Variants in STRN3 observed in about 807,000 individuals in gnomAD.
The protein encoded by STRN3 is striatin-3.
STRN3 carries 29 observed loss-of-function variants against 95.6 expected under a neutral mutation model. The observed-to-expected ratio is 0.30, with a 90% CI of 0.23 to 0.41. The LOEUF (loss-of-function observed/expected upper bound fraction) is 0.41, where lower values mean the gene tolerates loss of function less well. Among genes scored for constraint, STRN3 ranks in the 10% least tolerant of loss-of-function variants. The probability of loss-of-function intolerance (pLI) is 1.00; values close to 1 mark genes in which losing one functional copy is unlikely to be tolerated. For synonymous variants in STRN3, 331 were observed against 357.6 expected, an observed-to-expected ratio of 0.93 and a Z score of 0.84; for missense variants, 890 against 972.1, an observed-to-expected ratio of 0.92 and a Z score of 1.12.
intron 15 of STRN3, 129 bp downstream of exon 15, chr14:30,905,289 A>T: frequency 1.0e-6 from 1 of 999,504 alleles, no homozygotes. Context: ...GTATAACTGT[A>T]ACATTATGAA....
At chr14:30,987,203 G>C (rs114396484) in intron 1 of STRN3, among the ~76,000 whole-genome samples, 2,811 of 152,190 alleles carry the variant, frequency 0.018, 81 homozygotes, top group African/African-American at 0.063. Flanking sequence ...GCCGGAAAAA[G>C]AAAATATAAA....
chr14:31,022,058 T>C (rs1883531039), intron 1 of STRN3, among the ~76,000 whole-genome samples: 1 of 152,066 alleles, frequency 6.6e-6, no homozygotes, highest in Admixed American at 6.6e-5. Context: ...AGGCTAAAAA[T>C]CCCAGAACAA....
chr14:30,960,429 A>T (rs911119475), intron 1 of STRN3, among the ~76,000 whole-genome samples: 5 of 152,232 alleles, frequency 3.3e-5, no homozygotes, highest in African/African-American at 1.2e-4. Flanking sequence ...TAGGAAAATG[A>T]ACCAAAGAAA....
At chr14:30,918,871 T>C in intron 9 of STRN3, 95 bp downstream of exon 9, 10 of 1,247,192 alleles carry the variant, frequency 8.0e-6, no homozygotes, top group Non-Finnish European at 1.1e-5. Flanking sequence ...AAAATGATCA[T>C]CAGCATTTTA....
Position 30,933,280 on chromosome 14 carries a change from T to TTAAAAAAAAAAAAAAAAAAA in STRN3, c.988+1882_988+1883insTTTTTTTTTTTTTTTTTTTA, listed in dbSNP as rs1555317709. On this transcript the variant is annotated intron_variant, in intron 7 of 17. Transcript: ENST00000357479. ...GGCAATAAAGCGAGACCCTGTTTCA[T>TTAAAAAAAAAAAAAAAAAAA]AAAAAAAAAAAAAAAAAAAAAAAAA... 8.8e-5 allele frequency among the ~76,000 whole-genome samples: 2 copies of TTAAAAAAAAAAAAAAAAAAA among 22,778 alleles called. 1 individual carries two copies. The allele number at this position is 22,778 out of a possible 152,430, so 14.9% of individuals were successfully genotyped here. A position where few individuals can be genotyped will look rare whatever the true frequency, so the allele number is the denominator to read the frequency against.
intron 1 of STRN3, among the ~76,000 whole-genome samples, chr14:30,972,898 A>G (rs1000314203): frequency 1.3e-5 from 2 of 152,202 alleles, no homozygotes; most frequent in African/African-American, 4.8e-5. Flanking sequence ...GCTATATAAT[A>G]TTTATTTCAG....
intron 8 of STRN3, among the ~76,000 whole-genome samples, chr14:30,924,524 T>A (rs1017934064): frequency 3.3e-5 from 5 of 151,980 alleles, no homozygotes. Flanking sequence ...ACTCTTGACC[T>A]CAGGTGATCT....
chr14:31,025,458 G>T, intron 1 of STRN3: 1 of 158,076 alleles, frequency 6.3e-6, no homozygotes, highest in South Asian at 1.2e-4. Flanking sequence ...CGGAAAGGGG[G>T]GTGGTCCGGA....
At chr14:30,899,994 C>A (rs757846458) in intron 16 of STRN3, among the ~76,000 whole-genome samples, 21 of 152,110 alleles carry the variant, frequency 1.4e-4, no homozygotes, top group Non-Finnish European at 1.0e-4. Flanking sequence ...CTTAGCTAAC[C>A]GGAAACAGCA....
At chr14:31,010,000 G>A (rs1311112697) in intron 1 of STRN3, among the ~76,000 whole-genome samples, 2 of 152,116 alleles carry the variant, frequency 1.3e-5, no homozygotes, top group Non-Finnish European at 2.9e-5. Flanking sequence ...CTTCTGAGGA[G>A]GCTGAGGCAG....
In STRN3 at chr14:30,979,432, C is replaced by G. The variant is rs143944747; in HGVS notation, c.283-23190G>C. Among the ~76,000 whole-genome samples the G allele has an allele frequency of 5.0e-4, 76 of 152,154 alleles. No homozygotes were observed. In the East Asian group the frequency reaches 0.012, roughly 24 times the overall value. On this transcript the variant is annotated intron_variant, in intron 1 of 17. Transcript: ENST00000357479. The stretch of plus-strand genomic sequence containing the variant: ...ACTCAACAAATTTTGTTTTTAATTA[C>G]TTGATCTGAAGTGTACTTCAGGCAA...
At chr14:31,002,188 AC>A (rs58097052) in intron 1 of STRN3, among the ~76,000 whole-genome samples, 13,270 of 106,384 alleles carry the variant, frequency 0.12, 3,638 homozygotes, top group South Asian at 0.27. Flanking sequence ...AAAAAAAAAA[AC>A]AAGGCCAGGC....
At chr14:30,965,109 G>C (rs1880419157) in intron 1 of STRN3, among the ~76,000 whole-genome samples, 1 of 152,134 alleles carries the variant, frequency 6.6e-6, no homozygotes, top group Admixed American at 6.5e-5. Context: ...TTGCAGGCTT[G>C]ATTTGCTTGG....
chr14:31,025,916 C>T lies in STRN3; in HGVS notation c.270G>A (p.Arg90=), dbSNP rs200092049. The stretch of plus-strand genomic sequence containing the variant: ...CCCAACGAGGTACCTGCAGTTCGGC[C>T]CGTTCCACCTCCCAGTGCGCCCGCT... ...EMERAHWEVE[R]AELQARIAFL... Residue 90 remains arginine (R), a synonymous_variant, in exon 1 of 18, where the codon CGG becomes CGA. Transcript: ENST00000357479. 3 of 1,601,466 alleles carry T rather than the reference C, an allele frequency of 1.9e-6. No individual in the cohort carries two copies. The highest frequency in any genetic ancestry group is 2.3e-5 in the East Asian group (1 of 43,866).
At chr14:30,963,836 CAAAG>C (rs1340232195) in intron 1 of STRN3, among the ~76,000 whole-genome samples, 1 of 152,054 alleles carries the variant, frequency 6.6e-6, no homozygotes, top group Non-Finnish European at 1.5e-5. Flanking sequence ...ACAACACACT[CAAAG>C]AAGAAAAATT....
At chr14:30,982,087 ACT>A (rs1258325251) in intron 1 of STRN3, among the ~76,000 whole-genome samples, 7 of 92,864 alleles carry the variant, frequency 7.5e-5, no homozygotes, top group African/African-American at 2.6e-4. Flanking sequence ...GAGGAGCAAG[ACT>A]CTGTCTCACA....
rs1012120997 is a variant in STRN3, at chr14:31,026,098, G to A, written c.88C>T (p.Leu30Phe). Residue 30 changes from leucine to phenylalanine, a missense_variant, in exon 1 of 18, where the codon CTT (leucine) becomes TTT (phenylalanine). Around this residue, in one of 3 missense-constraint regions of STRN3, gnomAD observed 526 missense variants for 526.3 expected, o/e 1.00. Transcript: ENST00000357479. The part of the protein sequence containing the change: ...QQQGPGGNLG[L>F]SPGGNGAAGG... ...GCCGCTCCGTTCCCCCCGGGCGAAA[G>A]GCCCAGGTTCCCCCCAGGTCCCTGC... The A allele has an allele frequency of 1.2e-5, 19 of 1,527,544 alleles. No homozygotes were observed. The African/African-American group carries it at 1.7e-4, about 14-fold the overall frequency. The allele number at this position is 1,527,544 out of a possible 1,614,324, so 94.6% of individuals were successfully genotyped here. A position where few individuals can be genotyped will look rare whatever the true frequency, so the allele number is the denominator to read the frequency against.
intron 1 of STRN3, among the ~76,000 whole-genome samples, chr14:30,971,469 T>G (rs1009736397): frequency 2.6e-5 from 4 of 152,192 alleles, no homozygotes; most frequent in Non-Finnish European, 5.9e-5. Context: ...AAATGTAGAT[T>G]GGATAAACTA....
Position 30,951,233 on chromosome 14 carries a change from T to C in STRN3, c.461-289A>G, listed in dbSNP as rs145554474. ...CCAGGAGATAAAATATTATTAAAAC[T>C]GATTTTTTCTCTTTTTTTTTGAGAC... On this transcript the variant is annotated intron_variant, in intron 3 of 17. Transcript: ENST00000357479. Among the ~76,000 whole-genome samples, 48 of 152,216 alleles carry C rather than the reference T, an allele frequency of 3.2e-4. No homozygotes were observed. In the East Asian group the frequency reaches 8.9e-3, roughly 28 times the overall value.
Sources: gnomAD v4.1 joint callset for allele counts (sites outside exome capture counted in the v4.1 genomes callset) on GRCh38, gnomAD v4.1.1 for gene constraint, gnomAD v4.1.1 regional missense constraint, MANE v1.5 for transcripts, NCBI Gene and HGNC (gene_info 2026-07-23, HGNC 2026-07-21) for gene names.